GAS2: variants seen among roughly 807,000 people sequenced by gnomAD.
GAS2 encodes the protein growth arrest-specific protein 2.
GAS2 carries 20 observed loss-of-function variants against 37.5 expected under a neutral mutation model. The ratio of observed to expected loss-of-function variants is 0.53; its 90% CI spans 0.37 to 0.77. GAS2 has a LOEUF of 0.77. Among genes scored for constraint, GAS2 ranks in the 30% least tolerant of loss-of-function variants. The pLI is 0.00. For missense variants in GAS2, 336 were observed against 373.4 expected (o/e 0.90, Z 0.82); for synonymous variants, 144 against 132.2 (o/e 1.09, Z -0.61).
chr11:22,664,157 A>G (rs1460653231), upstream of GAS2, among the ~76,000 whole-genome samples: 1 of 152,122 alleles, frequency 6.6e-6, no homozygotes, highest in Non-Finnish European at 1.5e-5. Flanking sequence ...AATTTATTTT[A>G]CCAAATTTAA....
At chr11:22,641,854 C>T (rs1188266338) in intron 1 of GAS2, among the ~76,000 whole-genome samples, 1 of 152,160 alleles carries the variant, frequency 6.6e-6, no homozygotes, top group African/African-American at 2.4e-5. Context: ...AAATACCTGT[C>T]ATTGCCATAT....
At chr11:22,663,287 C>T (rs1013566494), upstream of GAS2, among the ~76,000 whole-genome samples, 12 of 152,024 alleles carry the variant, frequency 7.9e-5, no homozygotes, top group Non-Finnish European at 1.2e-4. Context: ...AGAGCCAAAC[C>T]ATATCAGTGG....
At chr11:22,765,060 C>A (rs2134392774) in intron 7 of GAS2, among the ~76,000 whole-genome samples, 1 of 152,276 alleles carries the variant, frequency 6.6e-6, no homozygotes, top group East Asian at 1.9e-4. Flanking sequence ...CAAATGACGT[C>A]ATTGAAAAAC....
chr11:22,672,266 G>T (rs1276437371), intron 1 of GAS2, among the ~76,000 whole-genome samples: 2 of 152,020 alleles, frequency 1.3e-5, no homozygotes, highest in African/African-American at 4.8e-5. Flanking sequence ...TATTCTTATT[G>T]TTTTTACTTA....
chr11:22,795,346 A>G (rs955560477), intron 7 of GAS2, among the ~76,000 whole-genome samples: 3 of 152,102 alleles, frequency 2.0e-5, no homozygotes, highest in African/African-American at 7.2e-5. Context: ...ATAGCATGGT[A>G]GAGAGTGGTA....
intron 3 of GAS2, 110 bp from the exon 4 acceptor site, chr11:22,726,182 A>G (rs909884827): frequency 1.9e-6 from 2 of 1,058,286 alleles, no homozygotes; most frequent in Non-Finnish European, 2.7e-6. Context: ...TTGCAAACCT[A>G]CTTATTGGCA....
chr11:22,677,871 A>G (rs1849502106), intron 2 of GAS2, among the ~76,000 whole-genome samples: 1 of 152,168 alleles, frequency 6.6e-6, no homozygotes, highest in Non-Finnish European at 1.5e-5. Flanking sequence ...CCAGATCCAA[A>G]AGTCTGAGTT....
intron 1 of GAS2, among the ~76,000 whole-genome samples, chr11:22,650,857 C>T (rs1442221815): frequency 1.5e-4 from 23 of 151,554 alleles, no homozygotes; most frequent in Non-Finnish European, 3.1e-4. Flanking sequence ...ACTGATGGAT[C>T]TTGACTCTTT....
chr11:22,675,189 A>G (rs1381420476), intron 2 of GAS2, among the ~76,000 whole-genome samples, 175 bp downstream of exon 2: 5 of 152,222 alleles, frequency 3.3e-5, no homozygotes, highest in African/African-American at 1.2e-4. Context: ...GAATTTCCCA[A>G]TGTCTGTCAT....
chr11:22,743,596 A>G (rs952091993), intron 5 of GAS2, among the ~76,000 whole-genome samples: 4 of 152,080 alleles, frequency 2.6e-5, no homozygotes, highest in African/African-American at 4.8e-5. Flanking sequence ...TGCTTTTCTA[A>G]GATTCTTCCT....
intron 5 of GAS2, among the ~76,000 whole-genome samples, chr11:22,741,845 CTG>C (rs1224724670): frequency 6.6e-6 from 1 of 152,066 alleles, no homozygotes; most frequent in Non-Finnish European, 1.5e-5. Context: ...AATCTATAAA[CTG>C]TCTGTTATAT....
At chr11:22,751,765 A>G (rs1451024611) in intron 6 of GAS2, among the ~76,000 whole-genome samples, 1 of 152,002 alleles carries the variant, frequency 6.6e-6, no homozygotes, top group Non-Finnish European at 1.5e-5. Flanking sequence ...AGAGGGCAAG[A>G]AGGTGATAGG....
At chr11:22,708,624 A>G (rs973611069) in intron 3 of GAS2, among the ~76,000 whole-genome samples, 1 of 152,144 alleles carries the variant, frequency 6.6e-6, no homozygotes, top group East Asian at 1.9e-4. Context: ...CTATATATGG[A>G]ATATATGCCT....
intron 1 of GAS2, among the ~76,000 whole-genome samples, chr11:22,629,605 C>G (rs150792370): frequency 5.4e-4 from 82 of 152,200 alleles, no homozygotes; most frequent in African/African-American, 1.8e-3. Context: ...TCTGTATCTT[C>G]TCTTGAGAAA....
At chr11:22,699,631 A>G (rs1356146266) in intron 3 of GAS2, among the ~76,000 whole-genome samples, 1 of 152,160 alleles carries the variant, frequency 6.6e-6, no homozygotes, top group Non-Finnish European at 1.5e-5. Context: ...TTAATAGTGT[A>G]TACTCAGTAG....
At chr11:22,677,316 G>T (rs1288647214) in intron 2 of GAS2, among the ~76,000 whole-genome samples, 1 of 152,164 alleles carries the variant, frequency 6.6e-6, no homozygotes, top group Admixed American at 6.5e-5. Context: ...GGAAGGGCAT[G>T]TGTTGAGGTA....
chr11:22,734,234 T>C (rs1852628282), intron 4 of GAS2, among the ~76,000 whole-genome samples: 1 of 151,718 alleles, frequency 6.6e-6, no homozygotes, highest in South Asian at 2.1e-4. Context: ...GGCAAGGTAT[T>C]TGGTGTTTCA....
chr11:22,722,434 C>T (rs1490987310), intron 3 of GAS2, among the ~76,000 whole-genome samples: 1 of 151,856 alleles, frequency 6.6e-6, no homozygotes, highest in Non-Finnish European at 1.5e-5. Context: ...AGTAACTTCT[C>T]ATTTTGCTAA....
At chr11:22,781,627 A>G (rs1421167175) in intron 7 of GAS2, among the ~76,000 whole-genome samples, 1 of 152,166 alleles carries the variant, frequency 6.6e-6, no homozygotes, top group African/African-American at 2.4e-5. Flanking sequence ...TTCACTGGGA[A>G]CCTTGATTGA....
Sources: gnomAD v4.1 joint callset for allele counts (sites outside exome capture counted in the v4.1 genomes callset) on GRCh38, gnomAD v4.1.1 for gene constraint, MANE v1.5 for transcripts, NCBI Gene and HGNC (gene_info 2026-07-23, HGNC 2026-07-21) for gene names.